MEI4: variants seen among roughly 807,000 people sequenced by gnomAD.
MEI4 encodes meiotic double-stranded break formation protein 4.
In MEI4, 27 loss-of-function variants were observed where a neutral mutation model predicts 31.4. The ratio of observed to expected loss-of-function variants is 0.86; its 90% CI spans 0.63 to 1.19. The LOEUF (loss-of-function observed/expected upper bound fraction) is 1.19, where lower values mean the gene tolerates loss of function less well. Among genes scored for constraint, MEI4 ranks in the 50% most tolerant of loss-of-function variants. The pLI is 0.00. For synonymous variants in MEI4, 122 were observed against 145.4 expected, an observed-to-expected ratio of 0.84 and a Z score of 1.16; for missense variants, 329 against 398.9, an observed-to-expected ratio of 0.82 and a Z score of 1.49.
At chr6:77,772,709 A>G (rs1054872161) in intron 3 of MEI4, among the ~76,000 whole-genome samples, 22 of 151,988 alleles carry the variant, frequency 1.4e-4, no homozygotes, top group Non-Finnish European at 2.9e-5. Flanking sequence ...TCTAGCTAGA[A>G]CAATCAGACA....
intron 4 of MEI4, among the ~76,000 whole-genome samples, chr6:77,874,512 C>G (rs1420555165): frequency 2.6e-5 from 4 of 152,152 alleles, no homozygotes; most frequent in African/African-American, 9.7e-5. Context: ...TGGGCTGAGA[C>G]AATGGGGTTT....
chr6:77,862,192 T>C (rs1323368577), intron 4 of MEI4, among the ~76,000 whole-genome samples: 1 of 152,114 alleles, frequency 6.6e-6, no homozygotes, highest in East Asian at 1.9e-4. Context: ...ACCAGGCTCA[T>C]CTCACTGGAG....
At chr6:77,736,598 C>T (rs1335319283) in intron 2 of MEI4, among the ~76,000 whole-genome samples, 2 of 152,094 alleles carry the variant, frequency 1.3e-5, no homozygotes, top group East Asian at 1.9e-4. Flanking sequence ...TCGTCTTCTG[C>T]GTCGCTCATG....
intron 2 of MEI4, among the ~76,000 whole-genome samples, chr6:77,745,124 A>C (rs1177993034): frequency 1.3e-5 from 2 of 152,208 alleles, no homozygotes; most frequent in Non-Finnish European, 2.9e-5. Flanking sequence ...TAACAATATT[A>C]ACTTTAAATG....
intron 1 of MEI4, among the ~76,000 whole-genome samples, chr6:77,683,509 A>C (rs1417010150): frequency 6.6e-6 from 1 of 152,112 alleles, no homozygotes. Flanking sequence ...GAAGTTATTC[A>C]TCTTGTCTAA....
rs989796209 is a variant in MEI4 at position 77,781,089 on chromosome 6, G to A, written c.768+19424G>A. Among the ~76,000 whole-genome samples, 25 of 151,762 alleles carry A rather than the reference G, an allele frequency of 1.6e-4. 1 individual carries two copies. The highest frequency in any genetic ancestry group is 3.1e-4 in the Non-Finnish European group (21 of 67,946). Reference sequence around the variant, plus strand: ...ATTTTTTTGTTTTTTATAGAGACAGGGTCTTGCTTTGCTGCCCAGGCTGTT... The same window carrying A: ...ATTTTTTTGTTTTTTATAGAGACAGAGTCTTGCTTTGCTGCCCAGGCTGTT... On this transcript the variant is annotated intron_variant, in intron 3 of 4. Transcript: ENST00000684080.
chr6:77,704,893 A>T (rs920887434), intron 2 of MEI4, among the ~76,000 whole-genome samples: 1 of 152,110 alleles, frequency 6.6e-6, no homozygotes, highest in Non-Finnish European at 1.5e-5. Flanking sequence ...TCTCAGTACC[A>T]AGTGACATTT....
intron 2 of MEI4, among the ~76,000 whole-genome samples, chr6:77,698,300 T>C (rs764427437): frequency 1.7e-4 from 26 of 152,204 alleles, no homozygotes; most frequent in Admixed American, 1.0e-3. Context: ...GTGAATTTGA[T>C]CCTGTCAGTA....
chr6:77,892,935 T>C (rs1279077559), intron 4 of MEI4, among the ~76,000 whole-genome samples: 1 of 151,994 alleles, frequency 6.6e-6, no homozygotes, highest in African/African-American at 2.4e-5. Flanking sequence ...CTTTACATGC[T>C]AGTCTCAGGG....
chr6:77,804,674 C>A (rs1418531340), intron 3 of MEI4, among the ~76,000 whole-genome samples: 1 of 152,120 alleles, frequency 6.6e-6, no homozygotes. Flanking sequence ...AATCATTTGA[C>A]CAGTTTCTGA....
Position 77,883,042 on chromosome 6 carries a change from C to G in MEI4, c.901-40047C>G, listed in dbSNP as rs1267916140. Reference sequence around the variant, plus strand: ...AATAATTGCTTATAACGCATATGTCCAGGTTCGTACAAGTATCGGTTAAGT... The same window carrying G: ...AATAATTGCTTATAACGCATATGTCGAGGTTCGTACAAGTATCGGTTAAGT... On this transcript the variant is annotated intron_variant, in intron 4 of 4. Transcript: ENST00000684080. Among the ~76,000 whole-genome samples, 9 of 151,778 alleles carry G rather than the reference C, an allele frequency of 5.9e-5. No individual in the cohort carries two copies. The East Asian group carries it at 1.7e-3, about 29-fold the overall frequency.
chr6:77,844,725 A>G (rs1235322955), intron 4 of MEI4, among the ~76,000 whole-genome samples: 1 of 152,134 alleles, frequency 6.6e-6, no homozygotes, highest in African/African-American at 2.4e-5. Flanking sequence ...ACCTGAATCC[A>G]TCCTCTAATC....
intron 3 of MEI4, among the ~76,000 whole-genome samples, chr6:77,808,077 G>C (rs1769484226): frequency 6.6e-6 from 1 of 152,034 alleles, no homozygotes; most frequent in Non-Finnish European, 1.5e-5. Context: ...TGATTGCCTG[G>C]GCCAGTTCTG....
chr6:77,885,728 G>A (rs1771604093), intron 4 of MEI4, among the ~76,000 whole-genome samples: 1 of 152,070 alleles, frequency 6.6e-6, no homozygotes, highest in South Asian at 2.1e-4. Context: ...GTTAAAGTGG[G>A]CATCTTTGTC....
At chr6:77,768,408 A>G (rs569662891) in intron 3 of MEI4, among the ~76,000 whole-genome samples, 1 of 152,190 alleles carries the variant, frequency 6.6e-6, no homozygotes, top group South Asian at 2.1e-4. Context: ...GTAAAAATGT[A>G]TGTTTATAGG....
intron 2 of MEI4, among the ~76,000 whole-genome samples, chr6:77,735,032 G>T (rs1019529212): frequency 1.3e-5 from 2 of 151,976 alleles, no homozygotes; most frequent in African/African-American, 4.8e-5. Flanking sequence ...TTCCCCTTGT[G>T]GGTAACCGTA....
chr6:77,910,466 A>G (rs1562035116), intron 4 of MEI4, among the ~76,000 whole-genome samples: 1 of 152,192 alleles, frequency 6.6e-6, no homozygotes, highest in Non-Finnish European at 1.5e-5. Context: ...TGCTTCAAAG[A>G]GAATAAAATA....
At chr6:77,753,956 A>G (rs756280180) in intron 2 of MEI4, among the ~76,000 whole-genome samples, 2 of 152,184 alleles carry the variant, frequency 1.3e-5, no homozygotes, top group Non-Finnish European at 2.9e-5. Flanking sequence ...TTGCAGGGAC[A>G]TGGATGAAGC....
chr6:77,707,967 C>G (rs1251060784), intron 2 of MEI4, among the ~76,000 whole-genome samples: 1 of 152,234 alleles, frequency 6.6e-6, no homozygotes, highest in Non-Finnish European at 1.5e-5. Flanking sequence ...CAGAAGCCTG[C>G]TACAGGGGTG....
Sources: allele counts gnomAD v4.1 joint callset (sites outside exome capture counted in the v4.1 genomes callset), GRCh38; gene constraint gnomAD v4.1.1; transcripts MANE v1.5; gene names NCBI Gene and HGNC (gene_info 2026-07-23, HGNC 2026-07-21).